FES: variants seen among roughly 807,000 people sequenced by gnomAD.
FES encodes the protein tyrosine-protein kinase Fes/Fps.
FES carries 83 observed loss-of-function variants against 109.6 expected under a neutral mutation model. The ratio of observed to expected loss-of-function variants is 0.76; its 90% CI spans 0.63 to 0.91. The LOEUF (loss-of-function observed/expected upper bound fraction) is 0.91. Ranked by LOEUF, FES falls within the 40% of genes least tolerant of loss-of-function variation. The pLI is 0.00. For missense variants in FES, 943 were observed against 1,070.9 expected (o/e 0.88, Z 1.67); for synonymous variants, 458 against 442.1 (o/e 1.04, Z -0.45).
In FES at chr15:90,889,577, A is replaced by C; in HGVS notation, c.867A>C (p.Glu289Asp). The C allele has an allele frequency of 6.2e-7, 1 of 1,613,340 alleles. No homozygotes were observed. The highest frequency in any genetic ancestry group is 2.2e-5 in the East Asian group (1 of 44,836). Residue 289 changes from glutamate to aspartate, a missense_variant, in exon 7 of 19, where the codon GAA becomes GAC. Transcript: ENST00000328850. The surrounding 1 kb of genome is among the most constrained non-coding windows in gnomAD (Gnocchi z 6.1). ...TFDESLLEEG[E>D]PLEPGELQLN... ...ATGAGTCACTGCTTGAGGAGGGTGA[A>C]CCGCTGGAGCCTGGGGAGCTCCAGC...
In FES at chr15:90,892,047, C is replaced by T. The variant is rs757179952; in HGVS notation, c.1654-11C>T. ...TCAGACTTCTGATCCCCTGTCTCCT[C>T]TCTTCCCCAGGACAAGTGGGTGCTG... On this transcript the variant is annotated splice_polypyrimidine_tract_variant and intron_variant, in intron 12 of 18. Coordinates refer to ENST00000328850, the MANE Select transcript of FES (RefSeq NM_002005.4). 6 of 1,614,022 alleles carry T rather than the reference C, an allele frequency of 3.7e-6. No individual in the cohort carries two copies. Among genetic ancestry groups the T allele is most frequent in the Middle Eastern group, 1.6e-4 (1 of 6,082 alleles).
At chr15:90,894,087 A>G (rs2151272080) in intron 18 of FES, 29 bp downstream of exon 18, 1 of 1,611,800 alleles carries the variant, frequency 6.2e-7, no homozygotes. Context: ...CAGCAGCCTC[A>G]GGCTGCACCC....
chr15:90,886,354 C>T (rs1325299136), intron 3 of FES, among the ~76,000 whole-genome samples: 3 of 152,240 alleles, frequency 2.0e-5, no homozygotes, highest in Non-Finnish European at 4.4e-5. Context: ...GGCTCTATGG[C>T]CTACAAGCGT....
chr15:90,895,104 A>C (rs1220992521), intron 18 of FES, among the ~76,000 whole-genome samples: 1 of 152,140 alleles, frequency 6.6e-6, no homozygotes, highest in Non-Finnish European at 1.5e-5. Flanking sequence ...CCCTGTAGCT[A>C]CTACTGAGTG....
At chr15:90,895,066 CAGAAAA>C (rs1207289948) in intron 18 of FES, among the ~76,000 whole-genome samples, 90 of 151,098 alleles carry the variant, frequency 6.0e-4, no homozygotes, top group African/African-American at 2.1e-3. Context: ...GACTCCATCT[CAGAAAA>C]AGAAAAAAAA....
chr15:90,892,072 G>A lies in FES; in HGVS notation c.1668G>A (p.Leu556=), dbSNP rs773489302. Residue 556 remains leucine, a synonymous_variant, in exon 13 of 19, where the codon CTG becomes CTA. Transcript: ENST00000328850. The part of the protein sequence containing the change: ...HRAVPKDKWV[L]NHEDLVLGEQ... Reference sequence around the variant, plus strand: ...CTCTTCCCCAGGACAAGTGGGTGCTGAACCATGAGGACCTGGTGTTGGGTG... The same window carrying A: ...CTCTTCCCCAGGACAAGTGGGTGCTAAACCATGAGGACCTGGTGTTGGGTG... The A allele has an allele frequency of 2.8e-5, 45 of 1,614,120 alleles. No individual in the cohort carries two copies. The highest frequency in any genetic ancestry group is 3.7e-5 in the Non-Finnish European group (44 of 1,180,000).
rs115603049 is a variant in FES at position 90,891,338 on chromosome 15, C to T, written c.1530+147C>T. On this transcript the variant is annotated intron_variant, in intron 11 of 18. Coordinates refer to ENST00000328850, the MANE Select transcript of FES (RefSeq NM_002005.4). ...GCTGGCTGGAAGGGGCCACAGAGAC[C>T]ACCCTGTCCCTGCAACAAAATAGAG... 3,986 of 1,119,572 alleles carry T rather than the reference C, an allele frequency of 3.6e-3. 110 individuals are homozygous for T. The African/African-American group carries it at 0.053, about 15-fold the overall frequency. The allele number at this position is 1,119,572 out of a possible 1,614,324, so 69.4% of individuals were successfully genotyped here. A position where few individuals can be genotyped will look rare whatever the true frequency, so the allele number is the denominator to read the frequency against.
Position 90,889,702 on chromosome 15 carries a change from C to G in FES, c.926+66C>G. On this transcript the variant is annotated intron_variant, in intron 7 of 18. Coordinates refer to ENST00000328850, the MANE Select transcript of FES (RefSeq NM_002005.4). The surrounding 1 kb of genome is among the most constrained non-coding windows in gnomAD (Gnocchi z 6.1). ...AGCAGACCACGAGTGTTTATGTAGG[C>G]AGGGCTAGGTCGTGGAGACTGTCCA... 1 of 1,607,054 alleles carries G rather than the reference C, an allele frequency of 6.2e-7. No homozygotes were observed. Among genetic ancestry groups the G allele is most frequent in the Non-Finnish European group, 8.5e-7 (1 of 1,178,594 alleles).
intron 18 of FES, among the ~76,000 whole-genome samples, chr15:90,894,893 C>T (rs1050050432): frequency 4.6e-5 from 7 of 152,068 alleles, no homozygotes; most frequent in African/African-American, 1.4e-4. Context: ...ATGGCAAAAC[C>T]TGTCTCTACT....
At chr15:90,887,545 C>G (rs1160329344) in intron 5 of FES, among the ~76,000 whole-genome samples, 175 bp downstream of exon 5, 1 of 152,236 alleles carries the variant, frequency 6.6e-6, no homozygotes, top group African/African-American at 2.4e-5. Flanking sequence ...CTGAATTACA[C>G]TATTCCAGGG....
Position 90,889,634 on chromosome 15 carries a change from C to T in FES, c.924C>T (p.His308=), listed in dbSNP as rs762307387. 9.4e-5 allele frequency: 151 copies of T among 1,612,956 alleles called. No homozygotes were observed. Among genetic ancestry groups the T allele is most frequent in the Non-Finnish European group, 1.2e-4 (145 of 1,180,004 alleles). The change falls in exon 7 of 19, where the codon CAC becomes CAT. Residue 308 remains histidine, a splice_region_variant and synonymous_variant. Coordinates refer to ENST00000328850, the MANE Select transcript of FES (RefSeq NM_002005.4). This position sits in a 1 kb window ranked among gnomAD's most constrained non-coding sequence, Gnocchi z 6.1. ...AGCTGACTGTGGAGAGCGTGCAGCA[C>T]ACGTGGGTGGTGGCTTTGCACCTGG... The part of the protein sequence containing the change: ...LNELTVESVQ[H]TLTSVTDELA...
intron 8 of FES, 31 bp from the exon 9 acceptor site, chr15:90,890,061 C>T: frequency 6.4e-7 from 1 of 1,555,294 alleles, no homozygotes; most frequent in Non-Finnish European, 8.7e-7. Context: ...CCCTTATTCT[C>T]ATCCACCCTC....
chr15:90,891,971 C>A, intron 12 of FES, 87 bp from the exon 13 acceptor site: 1 of 1,525,872 alleles, frequency 6.6e-7, no homozygotes, highest in South Asian at 1.1e-5. Flanking sequence ...CATATGGAGG[C>A]GCCAAAAAAT....
chr15:90,895,102 C>G (rs1490321639), intron 18 of FES, among the ~76,000 whole-genome samples: 1 of 152,106 alleles, frequency 6.6e-6, no homozygotes, highest in African/African-American at 2.4e-5. Context: ...ATCCCTGTAG[C>G]TACTACTGAG....
intron 18 of FES, 42 bp from the exon 19 acceptor site, chr15:90,895,374 A>G (rs1180856690): frequency 1.4e-6 from 2 of 1,464,686 alleles, no homozygotes; most frequent in African/African-American, 1.4e-5. Context: ...AGGACCCTCA[A>G]ACTCCCTCCT....
intron 14 of FES, 27 bp from the exon 15 acceptor site, chr15:90,893,073 T>G: frequency 6.2e-7 from 1 of 1,607,778 alleles, no homozygotes; most frequent in Non-Finnish European, 8.5e-7. Context: ...CCTGGCCACG[T>G]AGATCCTGAG....
At chr15:90,892,871 G>A in intron 14 of FES, 46 bp downstream of exon 14, 1 of 1,570,452 alleles carries the variant, frequency 6.4e-7, no homozygotes, top group Non-Finnish European at 8.7e-7. Flanking sequence ...ATACACAGAG[G>A]TTACACTGCA....
In FES at chr15:90,889,807, T is replaced by G. The variant is rs761590003; in HGVS notation, c.927-33T>G. 1.2e-6 allele frequency: 2 copies of G among 1,612,292 alleles called. No individual in the cohort carries two copies. Among genetic ancestry groups the G allele is most frequent in the Admixed American group, 3.3e-5 (2 of 59,968 alleles). On this transcript the variant is annotated intron_variant, in intron 7 of 18. Transcript: ENST00000328850. This position sits in a 1 kb window ranked among gnomAD's most constrained non-coding sequence, Gnocchi z 6.1. The stretch of plus-strand genomic sequence containing the variant: ...ACCTGGGTTGAGGGGGCAGGAGGGC[T>G]CGGTTCTAATGCTGCCCTTCTCTTG...
At chr15:90,884,835 C>A in intron 1 of FES, 1 of 563,800 alleles carries the variant, frequency 1.8e-6, no homozygotes, top group Admixed American at 3.1e-5. Flanking sequence ...GCGGAGGAGA[C>A]CCTGACGCTA....
Sources: gnomAD v4.1 joint callset for allele counts (sites outside exome capture counted in the v4.1 genomes callset) on GRCh38, gnomAD v4.1.1 for gene constraint, Gnocchi (gnomAD v3.1) non-coding constraint, MANE v1.5 for transcripts, NCBI Gene and HGNC (gene_info 2026-07-23, HGNC 2026-07-21) for gene names.